Variants in SASH1 observed in about 807,000 individuals in gnomAD.
The protein encoded by SASH1 is SAM and SH3 domain-containing protein 1.
Under a neutral mutation model 125.2 loss-of-function variants are expected in SASH1, and 44 were observed. The ratio of observed to expected loss-of-function variants is 0.35; its 90% CI spans 0.28 to 0.45. The LOEUF (loss-of-function observed/expected upper bound fraction) is 0.45. Among genes scored for constraint, SASH1 ranks in the 20% least tolerant of loss-of-function variants. The pLI, the probability that SASH1 is intolerant of heterozygous loss-of-function variation, is 1.00. For synonymous variants in SASH1, 639 were observed against 649.1 expected (o/e 0.98, Z 0.24); for missense variants, 1,426 against 1,614.5 (o/e 0.88, Z 2.00).
intron 1 of SASH1, among the ~76,000 whole-genome samples, chr6:148,317,571 T>G (rs1000428702): frequency 1.3e-5 from 2 of 152,166 alleles, no homozygotes; most frequent in African/African-American, 4.8e-5. Flanking sequence ...ATTACAGGCA[T>G]GTGCCACCAC....
At chr6:148,361,877 G>A (rs928862705) in intron 1 of SASH1, among the ~76,000 whole-genome samples, 9 of 151,384 alleles carry the variant, frequency 5.9e-5, no homozygotes, top group African/African-American at 2.2e-4. Flanking sequence ...CGGTTTCCCT[G>A]ATGAATGTCC....
chr6:148,194,888 A>C, the SASH1 span, among the ~76,000 whole-genome samples: 1 of 152,242 alleles, frequency 6.6e-6, no homozygotes, highest in Non-Finnish European at 1.5e-5. Context: ...CCTGGGCGAC[A>C]GAGCGAGACT....
At chr6:148,492,753 G>A (rs532759666) in intron 8 of SASH1, among the ~76,000 whole-genome samples, 114 of 152,084 alleles carry the variant, frequency 7.5e-4, no homozygotes, top group Non-Finnish European at 1.4e-3. Context: ...CCCAGGAGGC[G>A]GAGGTTGCAG....
chr6:148,305,913 G>C (rs1780117544), intron 1 of SASH1, among the ~76,000 whole-genome samples: 1 of 152,146 alleles, frequency 6.6e-6, no homozygotes, highest in Non-Finnish European at 1.5e-5. Flanking sequence ...AACTCAGGGA[G>C]TACAATGGGA....
chr6:148,504,656 A>G (rs1031171635), intron 8 of SASH1, among the ~76,000 whole-genome samples: 1 of 152,098 alleles, frequency 6.6e-6, no homozygotes, highest in African/African-American at 2.4e-5. Context: ...TGAGAGCCAC[A>G]GGGCTGGGGA....
intron 2 of SASH1, among the ~76,000 whole-genome samples, chr6:148,408,735 C>A (rs1275415234): frequency 1.3e-5 from 2 of 152,188 alleles, no homozygotes; most frequent in East Asian, 3.8e-4. Flanking sequence ...CCACTGAAAT[C>A]ATTGCCAAAT....
At chr6:148,432,036 C>T (rs1303084044) in intron 2 of SASH1, among the ~76,000 whole-genome samples, 3 of 149,928 alleles carry the variant, frequency 2.0e-5, no homozygotes, top group African/African-American at 7.4e-5. Flanking sequence ...AGTGCAGTGA[C>T]GCAATCTCGG....
chr6:148,350,163 A>T (rs1781678144), intron 1 of SASH1, among the ~76,000 whole-genome samples: 1 of 152,132 alleles, frequency 6.6e-6, no homozygotes, highest in Non-Finnish European at 1.5e-5. Flanking sequence ...TTCTCTCTAA[A>T]GGAAAAGGCG....
chr6:148,390,390 G>C, intron 2 of SASH1, 128 bp downstream of exon 2: 3 of 912,842 alleles, frequency 3.3e-6, no homozygotes, highest in Non-Finnish European at 4.8e-6. Context: ...CTAGTGTGGG[G>C]TAGAATGTTC....
intron 6 of SASH1, among the ~76,000 whole-genome samples, chr6:148,471,937 G>A (rs1778139245): frequency 6.6e-6 from 1 of 152,198 alleles, no homozygotes; most frequent in Admixed American, 6.5e-5. Context: ...CAGCGGGACG[G>A]TTATGGGGTG....
intron 2 of SASH1, among the ~76,000 whole-genome samples, chr6:148,424,409 A>G (rs866393867): frequency 6.6e-6 from 1 of 152,060 alleles, no homozygotes; most frequent in African/African-American, 2.4e-5. Flanking sequence ...TATCTTTAGT[A>G]GAGACGGGGT....
intron 1 of SASH1, among the ~76,000 whole-genome samples, chr6:148,294,786 T>C (rs1454737726): frequency 1.3e-5 from 2 of 152,276 alleles, no homozygotes; most frequent in East Asian, 3.9e-4. Context: ...TGCCCTTATA[T>C]CTTATTGGAT....
intron 1 of SASH1, among the ~76,000 whole-genome samples, chr6:148,369,966 CAAAAAAAA>C (rs562924566): frequency 4.3e-5 from 4 of 93,586 alleles, no homozygotes; most frequent in Admixed American, 2.7e-4. Flanking sequence ...AAAAGAAAAA[CAAAAAAAA>C]AAAAAAAAAA....
In SASH1 at chr6:148,548,414, C is replaced by G; in HGVS notation, c.3600C>G (p.Thr1200=). Residue 1200 remains threonine, a synonymous_variant, in exon 20 of 20, where the codon ACC becomes ACG. Coordinates refer to ENST00000367467, the MANE Select transcript of SASH1 (RefSeq NM_015278.5). ...CCATGTACGCCGGCACCCTCTCCAC[C>G]GCGGGCTTCAGCACACTGAGCCAAG... The part of the protein sequence containing the change: ...GLPMYAGTLS[T]AGFSTLSQVP... The G allele has an allele frequency of 6.2e-7, 1 of 1,614,212 alleles. No individual in the cohort carries two copies. Among genetic ancestry groups the G allele is most frequent in the Non-Finnish European group, 8.5e-7 (1 of 1,180,032 alleles).
chr6:148,337,127 C>T (rs1368173052), intron 1 of SASH1, among the ~76,000 whole-genome samples: 1 of 152,104 alleles, frequency 6.6e-6, no homozygotes. Context: ...GGTGCAATCT[C>T]GGCTCACTGC....
intron 1 of SASH1, among the ~76,000 whole-genome samples, chr6:148,277,168 C>T (rs1779209968): frequency 1.3e-5 from 2 of 152,216 alleles, no homozygotes; most frequent in South Asian, 4.1e-4. Flanking sequence ...GTCTTGCACT[C>T]TTAATGGAAA....
At chr6:148,537,826 GTGT>G in intron 16 of SASH1, among the ~76,000 whole-genome samples, 1 of 137,140 alleles carries the variant, frequency 7.3e-6, no homozygotes, top group South Asian at 2.3e-4. Flanking sequence ...GTGTGTGTGT[GTGT>G]GTGGTTGGTG....
At chr6:148,440,035 C>T (rs1776477488) in intron 2 of SASH1, 149 bp from the exon 3 acceptor site, 1 of 662,568 alleles carries the variant, frequency 1.5e-6, no homozygotes, top group South Asian at 1.9e-5. Flanking sequence ...TTTTAGTTTT[C>T]CCAGAAAATC....
At chr6:148,393,141 G>A (rs1229671871) in intron 2 of SASH1, among the ~76,000 whole-genome samples, 1 of 150,740 alleles carries the variant, frequency 6.6e-6, no homozygotes, top group African/African-American at 2.4e-5. Flanking sequence ...CCACCTCCTG[G>A]GTTCAACTGA....
Sources: gnomAD v4.1 joint callset for allele counts (sites outside exome capture counted in the v4.1 genomes callset) on GRCh38, gnomAD v4.1.1 for gene constraint, MANE v1.5 for transcripts, NCBI Gene and HGNC (gene_info 2026-07-23, HGNC 2026-07-21) for gene names.